Variants in CACNB2 observed in about 807,000 individuals in gnomAD.
CACNB2 encodes calcium voltage-gated channel auxiliary subunit beta 2.
Under a neutral mutation model 73.3 loss-of-function variants are expected in CACNB2, and 42 were observed. That is an observed-to-expected ratio of 0.57 (90% CI 0.45 to 0.74). The LOEUF is 0.74. Ranked by LOEUF, CACNB2 falls within the 30% of genes least tolerant of loss-of-function variation. CACNB2 has a pLI of 0.00. For synonymous variants in CACNB2, 348 were observed against 310.3 expected, an observed-to-expected ratio of 1.12 and a Z score of -1.28; for missense variants, 940 against 853.0, an observed-to-expected ratio of 1.10 and a Z score of -1.27.
chr10:18,342,974 G>T (rs1162902135), intron 2 of CACNB2, among the ~76,000 whole-genome samples: 1 of 151,986 alleles, frequency 6.6e-6, no homozygotes, highest in Non-Finnish European at 1.5e-5. Flanking sequence ...GTTTATTTCA[G>T]TACCTTCTAA....
intron 2 of CACNB2, among the ~76,000 whole-genome samples, chr10:18,304,970 T>C (rs1340223272): frequency 1.3e-5 from 2 of 152,254 alleles, no homozygotes; most frequent in African/African-American, 4.8e-5. Context: ...AATGTCAACT[T>C]TGAGAAATAG....
At chr10:18,385,138 C>T (rs897965195) in intron 2 of CACNB2, among the ~76,000 whole-genome samples, 2 of 152,010 alleles carry the variant, frequency 1.3e-5, no homozygotes, top group African/African-American at 4.8e-5. Flanking sequence ...AAAAAATTAG[C>T]TGGGCATGGT....
At chr10:18,492,395 C>A (rs925879073) in intron 3 of CACNB2, among the ~76,000 whole-genome samples, 2 of 152,020 alleles carry the variant, frequency 1.3e-5, no homozygotes, top group Non-Finnish European at 2.9e-5. Context: ...CCGAGGCAAG[C>A]GGATCACCTG....
intron 2 of CACNB2, among the ~76,000 whole-genome samples, chr10:18,221,819 C>G (rs982651984): frequency 1.3e-5 from 2 of 152,116 alleles, no homozygotes; most frequent in African/African-American, 4.8e-5. Flanking sequence ...TTCTTTTTAT[C>G]CATGGAAACC....
At chr10:18,285,980 A>C (rs2038770493) in intron 2 of CACNB2, among the ~76,000 whole-genome samples, 1 of 152,256 alleles carries the variant, frequency 6.6e-6, no homozygotes, top group Non-Finnish European at 1.5e-5. Flanking sequence ...AGAAGAAACC[A>C]ATCATGTGGG....
chr10:18,147,116 A>C (rs1361216605), intron 1 of CACNB2, among the ~76,000 whole-genome samples: 1 of 152,172 alleles, frequency 6.6e-6, no homozygotes, highest in Non-Finnish European at 1.5e-5. Context: ...GTCTCCTTCA[A>C]TCATGCAGCA....
rs919951297 is a variant in CACNB2, at chr10:18,141,059, T to TC, written c.120+204dup. ...CTGGCTCTGCCTCGGCTTCCATTTT[T>TC]CTCTGCTTCCGAAAAGCCAGTGGGG... On this transcript the variant is annotated intron_variant, in intron 1 of 13. Transcript: ENST00000324631. 1.1e-5 allele frequency: 17 copies of TC among 1,547,170 alleles called. No homozygotes were observed. In the African/African-American group the frequency reaches 1.8e-4, roughly 16 times the overall value.
At chr10:18,265,191 C>T (rs1178712050) in intron 2 of CACNB2, among the ~76,000 whole-genome samples, 3 of 137,788 alleles carry the variant, frequency 2.2e-5, no homozygotes, top group African/African-American at 8.1e-5. Flanking sequence ...CACTCTGTTG[C>T]CCAGGCTGAA....
chr10:18,167,690 A>G (rs373965923), intron 2 of CACNB2, among the ~76,000 whole-genome samples: 6 of 152,128 alleles, frequency 3.9e-5, no homozygotes, highest in African/African-American at 1.4e-4. Context: ...TCCTCTGGAA[A>G]GTGAGGATAA....
At chr10:18,340,866 T>A in intron 2 of CACNB2, 1 of 1,614,052 alleles carries the variant, frequency 6.2e-7, no homozygotes, top group Non-Finnish European at 8.5e-7. Context: ...TAGTCCTGAA[T>A]TCTTGCTCCT....
intron 6 of CACNB2, among the ~76,000 whole-genome samples, chr10:18,509,422 C>T (rs755693824): frequency 1.3e-5 from 2 of 152,254 alleles, no homozygotes; most frequent in Middle Eastern, 6.8e-3. Flanking sequence ...ATACATACAT[C>T]GCACCCACAC....
At chr10:18,451,792 C>G (rs1038632976) in intron 3 of CACNB2, among the ~76,000 whole-genome samples, 2 of 152,196 alleles carry the variant, frequency 1.3e-5, no homozygotes, top group Non-Finnish European at 2.9e-5. Flanking sequence ...CTAGTGAAAC[C>G]TGCGTTTTCA....
Position 18,523,465 on chromosome 10 carries a change from ATATCT to A in CACNB2, c.945-4120_945-4116del, listed in dbSNP as rs561310267. 6.4e-4 allele frequency among the ~76,000 whole-genome samples: 98 copies of A among 152,320 alleles called. 2 individuals carry two copies. The highest frequency in any genetic ancestry group is 5.9e-3 in the Admixed American group (91 of 15,296). On this transcript the variant is annotated intron_variant, in intron 9 of 13. Transcript: ENST00000324631. ...TTTATTTAAGAAACAGATAAACAAA[ATATCT>A]TAAAGTATCTGTTATTTCTAGCCAG...
chr10:18,462,309 A>G (rs2047625482), intron 3 of CACNB2, among the ~76,000 whole-genome samples: 1 of 152,246 alleles, frequency 6.6e-6, no homozygotes, highest in Non-Finnish European at 1.5e-5. Context: ...GCTGGAGTGC[A>G]GTGGTACAAT....
At chr10:18,367,680 A>T (rs1393126834) in intron 2 of CACNB2, among the ~76,000 whole-genome samples, 1 of 152,220 alleles carries the variant, frequency 6.6e-6, no homozygotes, top group Non-Finnish European at 1.5e-5. Flanking sequence ...TTATCAATAC[A>T]CATAGCAAAA....
intron 2 of CACNB2, among the ~76,000 whole-genome samples, chr10:18,329,994 C>T (rs1020292422): frequency 2.0e-5 from 3 of 152,024 alleles, no homozygotes. Flanking sequence ...GCACGCACCA[C>T]CCTGCCCGGC....
chr10:18,187,235 C>G (rs142181776), intron 2 of CACNB2, among the ~76,000 whole-genome samples: 1 of 152,028 alleles, frequency 6.6e-6, no homozygotes, highest in Non-Finnish European at 1.5e-5. Context: ...AAGAACCTAC[C>G]GTGGGGATGG....
At chr10:18,287,537 C>T (rs1278201723) in intron 2 of CACNB2, among the ~76,000 whole-genome samples, 2 of 151,550 alleles carry the variant, frequency 1.3e-5, no homozygotes, top group African/African-American at 4.9e-5. Flanking sequence ...TTTACTGTCT[C>T]ACAGCTCTGA....
chr10:18,303,736 G>A (rs1002392045), intron 2 of CACNB2, among the ~76,000 whole-genome samples: 10 of 152,242 alleles, frequency 6.6e-5, no homozygotes, highest in South Asian at 4.1e-4. Context: ...TTGGGGGTGC[G>A]TGTCCAGCGC....
Sources: gnomAD v4.1 joint callset for allele counts (sites outside exome capture counted in the v4.1 genomes callset) on GRCh38, gnomAD v4.1.1 for gene constraint, MANE v1.5 for transcripts, NCBI Gene and HGNC (gene_info 2026-07-23, HGNC 2026-07-21) for gene names.